The following USH2A variants were observed in gnomAD, a reference collection of about 807,000 sequenced individuals.
The protein encoded by USH2A is usherin.
Under a neutral mutation model 538.9 loss-of-function variants are expected in USH2A, and 443 were observed. That is an observed-to-expected ratio of 0.82 (90% CI 0.76 to 0.89). USH2A has a LOEUF of 0.89. Ranked by LOEUF, USH2A falls within the 40% of genes least tolerant of loss-of-function variation. The pLI is 0.00. For missense variants in USH2A, 6,633 were observed against 6,324.8 expected (o/e 1.05, Z -1.65); for synonymous variants, 2,413 against 2,273.5 (o/e 1.06, Z -1.75).
chr1:215,640,445 A>G, intron 68 of USH2A, 113 bp downstream of exon 68: 1 of 1,423,874 alleles, frequency 7.0e-7, no homozygotes, highest in Non-Finnish European at 9.8e-7. Context: ...GGGGGCACTT[A>G]AACCAAGACA....
At chr1:215,908,129 G>A (rs879790924) in intron 38 of USH2A, among the ~76,000 whole-genome samples, 1 of 103,008 alleles carries the variant, frequency 9.7e-6, no homozygotes, top group Non-Finnish European at 2.0e-5. Flanking sequence ...TAAAAACTGA[G>A]TTTAGAAAAG....
chr1:215,792,195 C>T (rs1361431113), intron 50 of USH2A, among the ~76,000 whole-genome samples: 2 of 152,104 alleles, frequency 1.3e-5, no homozygotes, highest in African/African-American at 4.8e-5. Context: ...TTTGAAACTC[C>T]TAATCAGTCA....
At chr1:216,121,139 A>C (rs1451536332) in intron 21 of USH2A, among the ~76,000 whole-genome samples, 1 of 152,184 alleles carries the variant, frequency 6.6e-6, no homozygotes, top group Admixed American at 6.5e-5. Flanking sequence ...ATAGCCAATA[A>C]TATATATTAG....
Position 216,073,092 on chromosome 1 carries a change from A to T in USH2A, c.5776+5T>A, listed in dbSNP as rs1164972172. The T allele has an allele frequency of 1.2e-6, 2 of 1,613,702 alleles. No individual in the cohort carries two copies. Among genetic ancestry groups the T allele is most frequent in the Non-Finnish European group, 1.7e-6 (2 of 1,179,946 alleles). ...AACATTTAATTTAGAGGACCTCCAC[A>T]TTACCTGTAAAAGGCTGGAGACCAC... On this transcript the variant is annotated splice_donor_5th_base_variant and intron_variant, in intron 28 of 71. Coordinates refer to ENST00000307340, the MANE Select transcript of USH2A (RefSeq NM_206933.4).
chr1:216,213,002 A>G (rs2035273351), intron 15 of USH2A, among the ~76,000 whole-genome samples: 1 of 152,136 alleles, frequency 6.6e-6, no homozygotes, highest in South Asian at 2.1e-4. Context: ...CATAAAAGGA[A>G]CAGTGCATAG....
chr1:216,066,332 C>T (rs1016707528), intron 30 of USH2A, among the ~76,000 whole-genome samples: 4 of 151,830 alleles, frequency 2.6e-5, no homozygotes, highest in Non-Finnish European at 5.9e-5. Flanking sequence ...ATTACCCGGG[C>T]GTGGAGGTCT....
At chr1:215,994,031 G>T in intron 34 of USH2A, among the ~76,000 whole-genome samples, 1 of 152,080 alleles carries the variant, frequency 6.6e-6, no homozygotes. Flanking sequence ...GCAAATATTA[G>T]TAATTATATC....
chr1:215,627,735 A>C (rs1038950588), intron 71 of USH2A, among the ~76,000 whole-genome samples: 11 of 152,090 alleles, frequency 7.2e-5, no homozygotes, highest in Admixed American at 7.2e-4. Flanking sequence ...CATGTTGGTC[A>C]GGCTGGTCTC....
At chr1:216,420,674 C>G (rs2039660834) in intron 2 of USH2A, among the ~76,000 whole-genome samples, 1 of 152,030 alleles carries the variant, frequency 6.6e-6, no homozygotes, top group Non-Finnish European at 1.5e-5. Flanking sequence ...CCCTATTTGT[C>G]AAAAGACAAT....
At chr1:216,315,590 T>A (rs570632714) in intron 9 of USH2A, among the ~76,000 whole-genome samples, 6 of 152,228 alleles carry the variant, frequency 3.9e-5, no homozygotes, top group South Asian at 4.1e-4. Flanking sequence ...GTGGGTATAT[T>A]TTATTGTACA....
chr1:215,897,200 G>T (rs1162771353), intron 40 of USH2A, among the ~76,000 whole-genome samples: 1 of 152,048 alleles, frequency 6.6e-6, no homozygotes, highest in Non-Finnish European at 1.5e-5. Context: ...TGTGTCACAG[G>T]CTTGCTGAAA....
chr1:215,991,491 A>G (rs1668004287), intron 35 of USH2A, among the ~76,000 whole-genome samples: 1 of 152,210 alleles, frequency 6.6e-6, no homozygotes, highest in Non-Finnish European at 1.5e-5. Flanking sequence ...CGTTTTAAAA[A>G]AAATAAAACT....
At chr1:215,866,967 A>G in intron 44 of USH2A, 40 bp downstream of exon 44, 1 of 1,613,788 alleles carries the variant, frequency 6.2e-7, no homozygotes, top group East Asian at 2.2e-5. Flanking sequence ...GCTTTTAAAA[A>G]TACACAAAGT....
chr1:216,141,133 G>A (rs2033594099), intron 21 of USH2A, among the ~76,000 whole-genome samples: 1 of 152,134 alleles, frequency 6.6e-6, no homozygotes, highest in South Asian at 2.1e-4. Context: ...CTGTTATTTG[G>A]TGTGCGGAAA....
intron 35 of USH2A, among the ~76,000 whole-genome samples, chr1:215,991,396 T>G (rs376250481): frequency 6.6e-6 from 1 of 152,004 alleles, no homozygotes; most frequent in East Asian, 1.9e-4. Context: ...ACAATCAGAT[T>G]ATCCCTCTCT....
intron 30 of USH2A, among the ~76,000 whole-genome samples, chr1:216,055,451 T>A (rs1444144720): frequency 6.6e-6 from 1 of 152,208 alleles, no homozygotes; most frequent in Non-Finnish European, 1.5e-5. Flanking sequence ...GCAGTGCTGA[T>A]AAAATCTAAT....
intron 27 of USH2A, among the ~76,000 whole-genome samples, chr1:216,074,477 T>C (rs924450124): frequency 5.9e-5 from 9 of 152,202 alleles, no homozygotes; most frequent in African/African-American, 7.2e-5. Flanking sequence ...AAGTTAATAG[T>C]AACAATGACC....
At chr1:215,975,345 T>C (rs1376828071) in intron 35 of USH2A, among the ~76,000 whole-genome samples, 3 of 152,192 alleles carry the variant, frequency 2.0e-5, no homozygotes, top group African/African-American at 2.4e-5. Flanking sequence ...GTTTATCTTG[T>C]CAATTTTTGT....
chr1:215,876,253 C>T (rs989058581), intron 43 of USH2A, among the ~76,000 whole-genome samples: 1 of 151,990 alleles, frequency 6.6e-6, no homozygotes, highest in Non-Finnish European at 1.5e-5. Flanking sequence ...AGTAATTGAC[C>T]AATCTTCACC....
Sources: gnomAD v4.1 joint callset for allele counts (sites outside exome capture counted in the v4.1 genomes callset) on GRCh38, gnomAD v4.1.1 for gene constraint, MANE v1.5 for transcripts, NCBI Gene and HGNC (gene_info 2026-07-23, HGNC 2026-07-21) for gene names.